Variants in WIPF2 observed in about 807,000 individuals in gnomAD.
WIPF2 encodes WAS/WASL interacting protein family member 2.
WIPF2 carries 23 observed loss-of-function variants against 38.8 expected under a neutral mutation model. The observed-to-expected ratio is 0.59, with a 90% confidence interval of 0.43 to 0.84. WIPF2 has a LOEUF of 0.84. Among genes scored for constraint, WIPF2 ranks in the 40% least tolerant of loss-of-function variants. The pLI is 0.00. For synonymous variants in WIPF2, 210 were observed against 223.2 expected (o/e 0.94, Z 0.53); for missense variants, 574 against 580.5 (o/e 0.99, Z 0.11).
chr17:40,247,675 C>T (rs977734554), intron 1 of WIPF2, among the ~76,000 whole-genome samples: 5 of 151,914 alleles, frequency 3.3e-5, no homozygotes, highest in Admixed American at 2.6e-4. Flanking sequence ...GCGTTTGCCA[C>T]CATGCCTGGC....
intron 1 of WIPF2, among the ~76,000 whole-genome samples, chr17:40,228,004 CTTTTTGTTT>C (rs2030566353): frequency 3.3e-5 from 4 of 119,924 alleles, no homozygotes; most frequent in South Asian, 2.6e-4. Flanking sequence ...TTTTATACCT[CTTTTTGTTT>C]TTTTTTTTTT....
rs536285799 is a variant in WIPF2, at chr17:40,262,706, C to T, written c.313+65C>T. On this transcript the variant is annotated intron_variant, in intron 4 of 7. Transcript: ENST00000323571. ...GTTAATTTCTGATGTCCCAAGTGGG[C>T]CATCTCAGGTTGAGGAGTATGGTAG... 1,021 of 1,353,004 alleles carry T rather than the reference C, an allele frequency of 7.5e-4. 6 individuals carry two copies. The highest frequency in any genetic ancestry group is 5.3e-3 in the South Asian group (445 of 84,692). The allele number at this position is 1,353,004 out of a possible 1,614,324, so 83.8% of individuals were successfully genotyped here.
At chr17:40,220,556 G>A (rs1319083794) in intron 1 of WIPF2, 1 of 120,568 alleles carries the variant, frequency 8.3e-6, no homozygotes, top group Non-Finnish European at 1.7e-5. Context: ...CACTACTCCC[G>A]CCTAACGTGT....
chr17:40,228,010 GTTTTTT>G (rs1175714533), intron 1 of WIPF2, among the ~76,000 whole-genome samples: 1 of 79,248 alleles, frequency 1.3e-5, no homozygotes, highest in Admixed American at 1.7e-4. Context: ...ACCTCTTTTT[GTTTTTT>G]TTTTTTTTTT....
chr17:40,263,157 AG>A (rs2031967927), intron 4 of WIPF2, among the ~76,000 whole-genome samples: 1 of 152,216 alleles, frequency 6.6e-6, no homozygotes, highest in South Asian at 2.1e-4. Context: ...AGCAGTCCCC[AG>A]TTTTTTTGGC....
At position 40,220,616 on chromosome 17, in the gene WIPF2, TA is replaced by T. The variant is rs1362133417; in HGVS notation, c.-70+1125del. ...ATATATATATATATATATATATATATATGTATATATATATATTTTTTTGTTG... is the reference window on the plus strand; with the variant it reads ...ATATATATATATATATATATATATATTGTATATATATATATTTTTTTGTTG... On this transcript the variant is annotated intron_variant, in intron 1 of 7. Coordinates refer to ENST00000323571, the MANE Select transcript of WIPF2 (RefSeq NM_133264.5). 2.7e-4 allele frequency: 31 copies of T among 112,820 alleles called. 1 individual carries two copies. The Admixed American group carries it at 2.8e-3, about 10-fold the overall frequency. The allele number at this position is 112,820 out of a possible 1,614,324, so 7.0% of individuals were successfully genotyped here.
chr17:40,269,372 G>A lies in WIPF2; in HGVS notation c.970+4226G>A, dbSNP rs542479854. 1.3e-4 allele frequency among the ~76,000 whole-genome samples: 20 copies of A among 151,068 alleles called. No individual in the cohort carries two copies. In the South Asian group the frequency reaches 3.6e-3, roughly 27 times the overall value. On this transcript the variant is annotated intron_variant, in intron 5 of 7. Transcript: ENST00000323571. ...ATAAATTTAAGAAACCTAGCCAGGC[G>A]TGGTAGCGTGTGCCTGTGGTCCCAG...
intron 6 of WIPF2, 119 bp from the exon 7 acceptor site, chr17:40,276,964 G>C: frequency 1.2e-6 from 1 of 844,772 alleles, no homozygotes; most frequent in Admixed American, 2.4e-5. Context: ...TGGGGCAGTA[G>C]GTCCTCACAG....
chr17:40,260,417 C>A (rs1202858667), intron 2 of WIPF2, 118 bp from the exon 3 acceptor site: 2 of 1,252,654 alleles, frequency 1.6e-6, no homozygotes, highest in East Asian at 2.5e-5. Context: ...GAACTCCTGA[C>A]TTCAAGTGAT....
At chr17:40,222,300 C>T (rs1403669067) in intron 1 of WIPF2, among the ~76,000 whole-genome samples, 3 of 151,734 alleles carry the variant, frequency 2.0e-5, no homozygotes, top group African/African-American at 7.3e-5. Context: ...GATCTGCCCA[C>T]CTTGGCCTCC....
intron 1 of WIPF2, among the ~76,000 whole-genome samples, chr17:40,227,645 A>C (rs1038478214): frequency 3.3e-5 from 5 of 151,812 alleles, no homozygotes; most frequent in African/African-American, 1.2e-4. Context: ...CTGAGGTCAG[A>C]AGTTGGAGAC....
chr17:40,270,020 A>G (rs1457201869), intron 5 of WIPF2, among the ~76,000 whole-genome samples: 2 of 152,026 alleles, frequency 1.3e-5, no homozygotes, highest in Non-Finnish European at 2.9e-5. Context: ...TTCTTTTGGA[A>G]ATTGTTTTTT....
chr17:40,273,851 A>G lies in WIPF2; in HGVS notation c.1032A>G (p.Pro344=), dbSNP rs754570417. ...NGARDAPPPP[P]PYRMHGSEPP... is the part of the protein sequence containing the mutation. ...CCAGGGATGCTCCCCCTCCCCCACCACCATACCGAATGCATGGGTCAGAAC... is the reference window on the plus strand; with the variant it reads ...CCAGGGATGCTCCCCCTCCCCCACCGCCATACCGAATGCATGGGTCAGAAC... Residue 344 remains proline, a synonymous_variant, in exon 6 of 8, where the codon CCA becomes CCG. Coordinates refer to ENST00000323571, the MANE Select transcript of WIPF2 (RefSeq NM_133264.5). The G allele has an allele frequency of 9.3e-7, 1 of 1,080,102 alleles. No individual in the cohort carries two copies. The highest frequency in any genetic ancestry group is 2.7e-5 in the Admixed American group (1 of 37,596). 66.9% of individuals were successfully genotyped at this position (1,080,102 alleles called of 1,614,324 possible). A position where few individuals can be genotyped will look rare whatever the true frequency, so the allele number is the denominator to read the frequency against.
chr17:40,271,128 G>A (rs962178886), intron 5 of WIPF2, among the ~76,000 whole-genome samples: 4 of 152,070 alleles, frequency 2.6e-5, no homozygotes, highest in Non-Finnish European at 4.4e-5. Flanking sequence ...GTGCCACCAC[G>A]CTTGGCTAAT....
At position 40,273,802 on chromosome 17, in the gene WIPF2, C is replaced by A. The variant is rs777798519; in HGVS notation, c.983C>A (p.Pro328Gln). ...PPSRGAAPPP[P>Q]PPVIRNGARD... is the part of the protein sequence containing the mutation. ...ATTTTAATTGCAGCTCCTCCACCCCCACCACCTGTGATCCGAAATGGTGCC... is the reference window on the plus strand; with the variant it reads ...ATTTTAATTGCAGCTCCTCCACCCCAACCACCTGTGATCCGAAATGGTGCC... Residue 328 changes from proline to glutamine, a missense_variant, in exon 6 of 8, where the codon CCA (proline) becomes CAA (glutamine). Transcript: ENST00000323571. 1.2e-6 allele frequency: 2 copies of A among 1,606,738 alleles called. No homozygotes were observed. The highest frequency in any genetic ancestry group is 1.3e-5 in the African/African-American group (1 of 74,850).
At chr17:40,275,113 C>T (rs571838218) in intron 6 of WIPF2, among the ~76,000 whole-genome samples, 1 of 151,492 alleles carries the variant, frequency 6.6e-6, no homozygotes, top group Admixed American at 6.6e-5. Flanking sequence ...TGATGGCACG[C>T]AGCCATAATC....
At chr17:40,258,542 G>A (rs192559004) in intron 2 of WIPF2, among the ~76,000 whole-genome samples, 268 of 152,202 alleles carry the variant, frequency 1.8e-3, no homozygotes, top group Non-Finnish European at 3.0e-3. Context: ...AGTGAGCCGA[G>A]ATCGCGCCAC....
At chr17:40,240,992 A>T (rs923093650) in intron 1 of WIPF2, among the ~76,000 whole-genome samples, 1 of 151,768 alleles carries the variant, frequency 6.6e-6, no homozygotes, top group South Asian at 2.1e-4. Context: ...ATGGTGTTTT[A>T]TGATGGAACA....
intron 1 of WIPF2, among the ~76,000 whole-genome samples, chr17:40,253,765 G>A (rs2031632979): frequency 6.6e-6 from 1 of 152,186 alleles, no homozygotes; most frequent in Non-Finnish European, 1.5e-5. Context: ...CTGTTGGGCA[G>A]CCAGCCTATA....
Sources: gnomAD v4.1 joint callset for allele counts (sites outside exome capture counted in the v4.1 genomes callset) on GRCh38, gnomAD v4.1.1 for gene constraint, MANE v1.5 for transcripts, NCBI Gene and HGNC (gene_info 2026-07-23, HGNC 2026-07-21) for gene names.